Variants in SRP72 observed in about 807,000 individuals in gnomAD.
The protein encoded by SRP72 is signal recognition particle subunit SRP72.
In SRP72, 49 loss-of-function variants were observed where a neutral mutation model predicts 96.3. That is an observed-to-expected ratio of 0.51 (90% CI 0.40 to 0.65). SRP72 has a LOEUF of 0.65. SRP72 is among the 30% of genes least tolerant of loss of function. The pLI is 0.00. For missense variants in SRP72, 736 were observed against 793.3 expected (o/e 0.93, Z 0.87); for synonymous variants, 267 against 275.2 (o/e 0.97, Z 0.30).
At chr4:56,468,268 T>G (rs1337740136) in intron 1 of SRP72, among the ~76,000 whole-genome samples, 2 of 152,130 alleles carry the variant, frequency 1.3e-5, no homozygotes, top group Non-Finnish European at 2.9e-5. Context: ...AAGGGCTGGA[T>G]CTGGATGTCA....
chr4:56,478,541 G>A, intron 7 of SRP72, 38 bp downstream of exon 7: 1 of 1,612,690 alleles, frequency 6.2e-7, no homozygotes, highest in Middle Eastern at 1.7e-4. Flanking sequence ...ATAGGGGATG[G>A]GGTTCTTTTT....
At position 56,491,839 on chromosome 4, in the gene SRP72, GTTTA is replaced by G. The variant is rs761741424; in HGVS notation, c.1640+278_1640+281del. ...GTTTACAAATATTTTCTTTAAATTGGTTTATTTATTACTATTTTTTTTTTATTTG... is the reference window on the plus strand; with the variant it reads ...GTTTACAAATATTTTCTTTAAATTGGTTTATTACTATTTTTTTTTTATTTG... On this transcript the variant is annotated intron_variant, in intron 16 of 18. Coordinates refer to ENST00000642900, the MANE Select transcript of SRP72 (RefSeq NM_006947.4). Among the ~76,000 whole-genome samples, 7 of 151,918 alleles carry G rather than the reference GTTTA, an allele frequency of 4.6e-5. No individual in the cohort carries two copies. In the East Asian group the frequency reaches 1.4e-3, roughly 29 times the overall value.
intron 14 of SRP72, 66 bp downstream of exon 14, chr4:56,490,502 T>C: frequency 6.3e-7 from 1 of 1,589,874 alleles, no homozygotes; most frequent in Non-Finnish European, 8.6e-7. Context: ...ATGAGGGAGT[T>C]ACTTGTTTAT....
intron 15 of SRP72, 149 bp from the exon 16 acceptor site, chr4:56,491,282 A>G: frequency 1.4e-6 from 1 of 727,608 alleles, no homozygotes; most frequent in African/African-American, 1.8e-5. Flanking sequence ...GTTATTGTAT[A>G]GAAGATTTAG....
chr4:56,483,023 C>A (rs1720563350), intron 8 of SRP72, 116 bp from the exon 9 acceptor site: 5 of 887,308 alleles, frequency 5.6e-6, no homozygotes, highest in Non-Finnish European at 8.4e-6. Context: ...AGCTTAGGCA[C>A]CCCAATCAGG....
intron 11 of SRP72, among the ~76,000 whole-genome samples, chr4:56,487,488 TTTTTA>T (rs1202421197): frequency 1.2e-4 from 19 of 152,218 alleles, no homozygotes; most frequent in African/African-American, 4.6e-4. Context: ...TTTTTGTTTG[TTTTTA>T]AAGACTGGGA....
In SRP72 at chr4:56,474,194, T is replaced by C; in HGVS notation, c.495T>C (p.Val165=). Residue 165 remains valine, a synonymous_variant, in exon 4 of 19, where the codon GTT becomes GTC. Transcript: ENST00000642900. ...VAAQSNWEKV[V]PENLGLQEGT... Reference sequence around the variant, plus strand: ...CTCAAAGCAATTGGGAAAAAGTGGTTCCAGTGAGTATCCTTGTGGTGTACC... The same window carrying C: ...CTCAAAGCAATTGGGAAAAAGTGGTCCCAGTGAGTATCCTTGTGGTGTACC... The C allele has an allele frequency of 6.2e-7, 1 of 1,614,212 alleles. No homozygotes were observed. The highest frequency in any genetic ancestry group is 1.3e-5 in the African/African-American group (1 of 75,062).
At chr4:56,470,296 T>G (rs527246892) in intron 2 of SRP72, among the ~76,000 whole-genome samples, 17 of 152,338 alleles carry the variant, frequency 1.1e-4, no homozygotes, top group Non-Finnish European at 1.9e-4. Context: ...AATAGTCATT[T>G]GTGGGAGGCC....
At chr4:56,479,519 CTTT>C (rs750135655) in intron 8 of SRP72, among the ~76,000 whole-genome samples, 1 of 138,002 alleles carries the variant, frequency 7.2e-6, no homozygotes. Flanking sequence ...TTCTTTCTTT[CTTT>C]TTTTTTTTTT....
chr4:56,501,118 T>C (rs922013691), intron 18 of SRP72, among the ~76,000 whole-genome samples: 1 of 152,018 alleles, frequency 6.6e-6, no homozygotes, highest in Non-Finnish European at 1.5e-5. Context: ...TTTTAAAAAA[T>C]TTTTTCTGGC....
Position 56,476,667 on chromosome 4 carries a change from G to T in SRP72, c.611-4G>T. 6.2e-7 allele frequency: 1 copy of T among 1,612,112 alleles called. No individual in the cohort carries two copies. Among genetic ancestry groups the T allele is most frequent in the Non-Finnish European group, 8.5e-7 (1 of 1,179,670 alleles). ...CTACTTTTAAAACAATTTTTCTCCT[G>T]TAGATCTTTGCCGCCGTTCATTATC... On this transcript the variant is annotated splice_polypyrimidine_tract_variant and splice_region_variant and intron_variant, in intron 5 of 18. Transcript: ENST00000642900.
intron 16 of SRP72, among the ~76,000 whole-genome samples, chr4:56,493,118 A>G (rs1017405081): frequency 2.0e-5 from 3 of 151,978 alleles, no homozygotes; most frequent in Non-Finnish European, 2.9e-5. Flanking sequence ...GCTCACTGCA[A>G]CCTCCGCCTC....
chr4:56,475,829 G>A (rs1560677087), intron 5 of SRP72: 1 of 152,110 alleles, frequency 6.6e-6, no homozygotes. Context: ...GAAACTTGAG[G>A]AAATGATTAG....
Position 56,483,178 on chromosome 4 carries a change from A to T in SRP72, c.865A>T (p.Thr289Ser), listed in dbSNP as rs1720567901. 1 of 1,611,642 alleles carries T rather than the reference A, an allele frequency of 6.2e-7. No individual in the cohort carries two copies. Among genetic ancestry groups the T allele is most frequent in the South Asian group, 1.1e-5 (1 of 90,950 alleles). ...VFDSKKKVKLTNAEGVEFKLS... is the reference protein window; with the variant it reads ...VFDSKKKVKLSNAEGVEFKLS... ...TGACTCCAAGAAGAAAGTGAAATTA[A>T]CCAATGCGGAAGGAGTAGAGTTTAA... is the stretch of plus-strand genomic sequence containing the variant. Residue 289 changes from threonine to serine, a missense_variant, in exon 9 of 19, where the codon ACC (threonine) becomes TCC (serine). Thr to Ser is a moderately conservative substitution (Grantham distance 58). Transcript: ENST00000642900.
intron 12 of SRP72, 85 bp from the exon 13 acceptor site, chr4:56,489,303 C>A: frequency 1.5e-6 from 1 of 648,362 alleles, no homozygotes; most frequent in Admixed American, 2.7e-5. Flanking sequence ...CCTTTATTTG[C>A]TATTTCTTCA....
intron 10 of SRP72, among the ~76,000 whole-genome samples, chr4:56,485,772 G>A (rs1313231400): frequency 6.6e-6 from 1 of 152,062 alleles, no homozygotes; most frequent in East Asian, 1.9e-4. Context: ...CTGCACTCCA[G>A]CCTGGGTGAC....
chr4:56,498,584 A>G (rs1377475106), intron 17 of SRP72, among the ~76,000 whole-genome samples: 1 of 152,244 alleles, frequency 6.6e-6, no homozygotes, highest in Non-Finnish European at 1.5e-5. Flanking sequence ...CTCAGGACAC[A>G]AAATCAATGT....
At chr4:56,490,520 T>G in intron 14 of SRP72, 48 bp from the exon 15 acceptor site, 1 of 1,597,990 alleles carries the variant, frequency 6.3e-7, no homozygotes, top group East Asian at 2.2e-5. Context: ...TATATTACTT[T>G]CTCCAGTTTT....
Position 56,484,862 on chromosome 4 carries a change from C to T in SRP72, c.1084C>T (p.Gln362Ter). Reference protein sequence around the residue: ...KQHTKAIELLQEFSDQHPENA... With the variant: ...KQHTKAIELL The stretch of plus-strand genomic sequence containing the variant: ...GCACACAAAAGCAATAGAGCTGCTT[C>T]AGGTAAAATAATTACTTGAATGAGG... Residue 362 changes from glutamine to a stop codon, truncating the protein, a stop_gained and splice_region_variant, in exon 10 of 19, where the codon CAG (glutamine) becomes TAG (stop). Coordinates refer to ENST00000642900, the MANE Select transcript of SRP72 (RefSeq NM_006947.4). LOFTEE classifies it high-confidence loss of function. 6.2e-7 allele frequency: 1 copy of T among 1,607,104 alleles called. No individual in the cohort carries two copies.
Sources: allele counts gnomAD v4.1 joint callset (sites outside exome capture counted in the v4.1 genomes callset), GRCh38; gene constraint gnomAD v4.1.1; transcripts MANE v1.5; gene names NCBI Gene and HGNC (gene_info 2026-07-23, HGNC 2026-07-21).